Variants in VTCN1 observed in about 807,000 individuals in gnomAD.
VTCN1 encodes V-set domain-containing T-cell activation inhibitor 1.
VTCN1 carries 26 observed loss-of-function variants against 26.5 expected under a neutral mutation model. The ratio of observed to expected loss-of-function variants is 0.98; its 90% CI spans 0.72 to 1.36. The LOEUF is 1.36. VTCN1 is among the 40% of genes most tolerant of loss of function. The pLI, the probability that VTCN1 is intolerant of heterozygous loss-of-function variation, is 0.00. For synonymous variants in VTCN1, 116 were observed against 130.7 expected (o/e 0.89, Z 0.77); for missense variants, 298 against 337.7 (o/e 0.88, Z 0.92).
At chr1:117,172,044 C>T (rs753002036) in intron 1 of VTCN1, among the ~76,000 whole-genome samples, 2 of 152,206 alleles carry the variant, frequency 1.3e-5, no homozygotes, top group South Asian at 2.1e-4. Flanking sequence ...TGTCCTGGCG[C>T]ATACATCATC....
At chr1:117,194,574 G>A (rs549501846) in intron 1 of VTCN1, among the ~76,000 whole-genome samples, 3 of 152,262 alleles carry the variant, frequency 2.0e-5, no homozygotes, top group African/African-American at 4.8e-5. Flanking sequence ...GTACCCCCAC[G>A]TTCATTGCAG....
rs1202654271 is a variant in VTCN1, at chr1:117,183,912, A to C, written c.33-13741T>G. On this transcript the variant is annotated intron_variant, in intron 1 of 5. Transcript: ENST00000369458. The surrounding 1 kb of genome is among the most constrained non-coding windows in gnomAD (Gnocchi z 4.1). Reference sequence around the variant, plus strand: ...CAGCACATGAGTCCAGATCAGTAAGAGAGTGCTGGGCGCAATGGCTATGCA... The same window carrying C: ...CAGCACATGAGTCCAGATCAGTAAGCGAGTGCTGGGCGCAATGGCTATGCA... 6.6e-6 allele frequency among the ~76,000 whole-genome samples: 1 copy of C among 152,200 alleles called. No individual in the cohort carries two copies. Among genetic ancestry groups the C allele is most frequent in the Non-Finnish European group, 1.5e-5 (1 of 68,044 alleles).
intron 4 of VTCN1, among the ~76,000 whole-genome samples, chr1:117,150,501 T>C (rs182808126): frequency 2.6e-5 from 4 of 152,338 alleles, no homozygotes; most frequent in Admixed American, 2.6e-4. Context: ...TTATTTATAT[T>C]GGTTTTCTGT....
At chr1:117,196,345 C>A (rs775120945) in intron 1 of VTCN1, among the ~76,000 whole-genome samples, 4 of 150,314 alleles carry the variant, frequency 2.7e-5, no homozygotes, top group South Asian at 2.1e-4. Flanking sequence ...AGTAGAAAGT[C>A]ATTTCCAAAA....
chr1:117,187,641 G>A (rs1456654235), intron 1 of VTCN1, among the ~76,000 whole-genome samples: 1 of 152,060 alleles, frequency 6.6e-6, no homozygotes, highest in African/African-American at 2.4e-5. Flanking sequence ...AAATTATCTG[G>A]TCACACATTT....
chr1:117,179,780 T>C (rs1194255766), intron 1 of VTCN1, among the ~76,000 whole-genome samples: 1 of 152,218 alleles, frequency 6.6e-6, no homozygotes, highest in East Asian at 1.9e-4. Context: ...GAATGATAGC[T>C]AATATTTATC....
chr1:117,198,862 A>G (rs540092740), intron 1 of VTCN1, among the ~76,000 whole-genome samples: 1 of 152,340 alleles, frequency 6.6e-6, no homozygotes, highest in South Asian at 2.1e-4. Context: ...GTCAGTTACA[A>G]AAAAAGCCAA....
intron 1 of VTCN1, among the ~76,000 whole-genome samples, chr1:117,186,799 G>T (rs139105502): frequency 1.4e-4 from 21 of 152,244 alleles, no homozygotes; most frequent in African/African-American, 5.1e-4. Context: ...AGGCTGGGGC[G>T]GGAGGATTGC....
At position 117,205,026 on chromosome 1, in the gene VTCN1, G is replaced by GTA. The variant is rs141542345; in HGVS notation, c.32+5796_32+5797dup. ...CATATATATATGCGTATATATACAC[G>GTA]TATATATATACGTGTCCTGTATATG... On this transcript the variant is annotated intron_variant, in intron 1 of 5. Coordinates refer to ENST00000369458, the MANE Select transcript of VTCN1 (RefSeq NM_024626.4). 5.3e-3 allele frequency among the ~76,000 whole-genome samples: 790 copies of GTA among 148,476 alleles called. 3 individuals carry two copies. Among genetic ancestry groups the GTA allele is most frequent in the African/African-American group, 0.019 (732 of 39,498 alleles).
chr1:117,153,462 T>A (rs1651908497), intron 3 of VTCN1, 93 bp from the exon 4 acceptor site: 248 of 146,886 alleles, frequency 1.7e-3, no homozygotes, highest in Non-Finnish European at 2.4e-3. Flanking sequence ...AATGCAGTCA[T>A]TTTTTTTTTT....
In VTCN1 at chr1:117,143,612, A is replaced by G. The variant is rs1468092017; in HGVS notation, c.*1659T>C. The G allele has an allele frequency of 6.6e-6, 1 of 152,208 alleles. No homozygotes were observed. The highest frequency in any genetic ancestry group is 1.5e-5 in the Non-Finnish European group (1 of 68,040). The allele number at this position is 152,208 out of a possible 1,614,324, so 9.4% of individuals were successfully genotyped here. The stretch of plus-strand genomic sequence containing the variant: ...TGGTGTAGGAAATGTATATTTAATC[A>G]TTCTCTTGAACGATCAGAACTCTAA... On this transcript the variant is annotated 3_prime_UTR_variant, in exon 6 of 6. Transcript: ENST00000369458.
At chr1:117,192,008 G>GAT (rs34397281) in intron 1 of VTCN1, among the ~76,000 whole-genome samples, 3,013 of 147,916 alleles carry the variant, frequency 0.02, 68 homozygotes, top group Admixed American at 0.076. Context: ...ATTCTTAGGA[G>GAT]ATATATAGAT....
chr1:117,203,570 G>GGCA, intron 1 of VTCN1: 1 of 977,648 alleles, frequency 1.0e-6, no homozygotes, highest in Non-Finnish European at 1.2e-6. Context: ...AGATGGTTTG[G>GGCA]GATTGTGAAA....
At chr1:117,151,250 G>T (rs949806805) in intron 4 of VTCN1, among the ~76,000 whole-genome samples, 1 of 149,676 alleles carries the variant, frequency 6.7e-6, no homozygotes, top group African/African-American at 2.5e-5. Flanking sequence ...TGGTGTGTCC[G>T]GAGTTTGTTC....
Position 117,159,924 on chromosome 1 carries a change from G to A in VTCN1, c.98-3003C>T, listed in dbSNP as rs1652278681. ...CCACCAGTAGAAATATTAATTATGT[G>A]CCAGCTGTATCCAACTGCTTCCTCC... is the stretch of plus-strand genomic sequence containing the variant. On this transcript the variant is annotated intron_variant, in intron 2 of 5. Transcript: ENST00000369458. This position sits in a 1 kb window ranked among gnomAD's most constrained non-coding sequence, Gnocchi z 4.7. Among the ~76,000 whole-genome samples the A allele has an allele frequency of 6.6e-6, 1 of 152,154 alleles. No homozygotes were observed.
intron 2 of VTCN1, among the ~76,000 whole-genome samples, chr1:117,164,218 G>A (rs1005546384): frequency 3.3e-5 from 5 of 152,172 alleles, no homozygotes; most frequent in African/African-American, 7.2e-5. Flanking sequence ...AGATATGGGA[G>A]ATGGCACAGA....
intron 1 of VTCN1, among the ~76,000 whole-genome samples, chr1:117,172,095 T>G (rs920123384): frequency 2.0e-5 from 3 of 152,060 alleles, no homozygotes; most frequent in Admixed American, 6.6e-5. Flanking sequence ...GGCTGCCAAT[T>G]CACACGCTCC....
chr1:117,173,239 A>C, intron 1 of VTCN1: 1 of 711,056 alleles, frequency 1.4e-6, no homozygotes, highest in Non-Finnish European at 2.6e-6. Flanking sequence ...AACCCACCAG[A>C]AGGAATAAAT....
chr1:117,177,252 T>C (rs1257484444), intron 1 of VTCN1, among the ~76,000 whole-genome samples: 1 of 152,216 alleles, frequency 6.6e-6, no homozygotes, highest in African/African-American at 2.4e-5. Context: ...AACTAACCAT[T>C]TCCTAGATAT....
Sources: gnomAD v4.1 joint callset for allele counts (sites outside exome capture counted in the v4.1 genomes callset) on GRCh38, gnomAD v4.1.1 for gene constraint, Gnocchi (gnomAD v3.1) non-coding constraint, MANE v1.5 for transcripts, NCBI Gene and HGNC (gene_info 2026-07-23, HGNC 2026-07-21) for gene names.